The following DRC11 variants were observed in gnomAD, a reference collection of about 807,000 sequenced individuals.
The protein encoded by DRC11 is dynein regulatory complex subunit 11.
chr2:236,445,019 C>T, the DRC11 span, among the ~76,000 whole-genome samples: 5 of 152,180 alleles, frequency 3.3e-5, no homozygotes, highest in Admixed American at 1.3e-4. The surrounding 1 kb of genome is among the most constrained non-coding windows in gnomAD (Gnocchi z 4.8). Flanking sequence ...CCAGCCTGGA[C>T]GGGGCTTAGA....
the DRC11 span, among the ~76,000 whole-genome samples, chr2:236,384,747 C>T: frequency 6.6e-6 from 1 of 151,416 alleles, no homozygotes; most frequent in South Asian, 2.1e-4. Flanking sequence ...TGCCTATGTC[C>T]TGAATGGTAA....
the DRC11 span, among the ~76,000 whole-genome samples, chr2:236,480,346 C>T: frequency 6.6e-6 from 1 of 152,052 alleles, no homozygotes. Context: ...TCTCAACTCC[C>T]TCTTGAATAC....
chr2:236,331,237 G>T, the DRC11 span: 1 of 717,976 alleles, frequency 1.4e-6, no homozygotes. This position sits in a 1 kb window ranked among gnomAD's most constrained non-coding sequence, Gnocchi z 4.8. Flanking sequence ...CAAAATTTCA[G>T]GTTTCCAAAT....
chr2:236,415,502 A>G, the DRC11 span, among the ~76,000 whole-genome samples: 1 of 152,184 alleles, frequency 6.6e-6, no homozygotes, highest in Admixed American at 6.6e-5. The surrounding 1 kb of genome is among the most constrained non-coding windows in gnomAD (Gnocchi z 5.7). Flanking sequence ...AAGACTTTTA[A>G]AAGTCTCTGG....
the DRC11 span, among the ~76,000 whole-genome samples, chr2:236,353,214 C>A: frequency 8.5e-5 from 13 of 152,290 alleles, no homozygotes; most frequent in South Asian, 2.7e-3. This position sits in a 1 kb window ranked among gnomAD's most constrained non-coding sequence, Gnocchi z 5.0. Flanking sequence ...AGAGTTCTGT[C>A]GGGTAGTTCA....
the DRC11 span, among the ~76,000 whole-genome samples, chr2:236,462,111 G>A: frequency 6.6e-6 from 1 of 152,108 alleles, no homozygotes; most frequent in Non-Finnish European, 1.5e-5. The surrounding 1 kb of genome is among the most constrained non-coding windows in gnomAD (Gnocchi z 6.4). Context: ...TCGAGGCGGT[G>A]CTCATCTTCC....
At chr2:236,358,148 G>GATATATACTATATGAATATATAAT in the DRC11 span, among the ~76,000 whole-genome samples, 2 of 118,486 alleles carry the variant, frequency 1.7e-5, no homozygotes, top group Non-Finnish European at 3.2e-5. Flanking sequence ...TATATAAATA[G>GATATATACTATATGAATATATAAT]ATATATACTA....
the DRC11 span, among the ~76,000 whole-genome samples, chr2:236,493,574 T>C: frequency 6.6e-6 from 1 of 152,210 alleles, no homozygotes; most frequent in Non-Finnish European, 1.5e-5. Context: ...GTCTAAGCTC[T>C]TGAAAAATAA....
At chr2:236,477,327 A>G in the DRC11 span, among the ~76,000 whole-genome samples, 11 of 152,274 alleles carry the variant, frequency 7.2e-5, 1 homozygote, top group South Asian at 2.3e-3. Flanking sequence ...ACAATGAAGT[A>G]AGCGAGAAAA....
chr2:236,318,503 GTGTA>G, the DRC11 span, among the ~76,000 whole-genome samples: 2 of 152,110 alleles, frequency 1.3e-5, no homozygotes. This position sits in a 1 kb window ranked among gnomAD's most constrained non-coding sequence, Gnocchi z 7.0. Flanking sequence ...ATGTGTATCT[GTGTA>G]TGTGTGTTTT....
chr2:236,376,779 T>C, the DRC11 span, among the ~76,000 whole-genome samples: 1 of 152,172 alleles, frequency 6.6e-6, no homozygotes, highest in African/African-American at 2.4e-5. The surrounding 1 kb of genome is among the most constrained non-coding windows in gnomAD (Gnocchi z 5.7). Context: ...TTTTTACAAG[T>C]GAAATCATTA....
chr2:236,344,262 C>G, the DRC11 span, among the ~76,000 whole-genome samples: 1 of 152,304 alleles, frequency 6.6e-6, no homozygotes, highest in East Asian at 1.9e-4. Flanking sequence ...GTGCCATTTG[C>G]TTTAACTGAG....
chr2:236,441,697 A>C, the DRC11 span, among the ~76,000 whole-genome samples: 4 of 152,206 alleles, frequency 2.6e-5, no homozygotes, highest in Non-Finnish European at 4.4e-5. Context: ...AGTATTCTTA[A>C]AAGAAGTTGA....
chr2:236,342,905 G>A, the DRC11 span, among the ~76,000 whole-genome samples: 1 of 152,100 alleles, frequency 6.6e-6, no homozygotes, highest in Non-Finnish European at 1.5e-5. The surrounding 1 kb of genome is among the most constrained non-coding windows in gnomAD (Gnocchi z 5.8). Context: ...CCCAACACAC[G>A]ACGGACTCCT....
At chr2:236,439,464 G>T in the DRC11 span, among the ~76,000 whole-genome samples, 1 of 152,134 alleles carries the variant, frequency 6.6e-6, no homozygotes, top group Non-Finnish European at 1.5e-5. Context: ...TAAAAAGATA[G>T]TGTGTATTTG....
the DRC11 span, among the ~76,000 whole-genome samples, chr2:236,353,076 G>T: frequency 6.6e-6 from 1 of 152,176 alleles, no homozygotes; most frequent in South Asian, 2.1e-4. This position sits in a 1 kb window ranked among gnomAD's most constrained non-coding sequence, Gnocchi z 5.0. Flanking sequence ...CTGCCAATTT[G>T]CTAATGAAAA....
At chr2:236,368,174 C>T in the DRC11 span, 380 of 1,458,068 alleles carry the variant, frequency 2.6e-4, 2 homozygotes, top group East Asian at 2.8e-3. Flanking sequence ...AAGGCACATC[C>T]GCGCACGCCG....
chr2:236,493,930 G>C, the DRC11 span: 9,718 of 1,516,126 alleles, frequency 6.4e-3, 298 homozygotes, highest in Admixed American at 0.062. Flanking sequence ...CCGTCACAAT[G>C]CCAGGACTAG....
the DRC11 span, among the ~76,000 whole-genome samples, chr2:236,432,064 C>T: frequency 6.6e-6 from 1 of 152,120 alleles, no homozygotes; most frequent in Non-Finnish European, 1.5e-5. Flanking sequence ...TATGTGGGTT[C>T]CCTTTTCTCC....
Sources: gnomAD v4.1 joint callset for allele counts (sites outside exome capture counted in the v4.1 genomes callset) on GRCh38, gnomAD v4.1.1 for gene constraint, Gnocchi (gnomAD v3.1) non-coding constraint, MANE v1.5 for transcripts, NCBI Gene and HGNC (gene_info 2026-07-23, HGNC 2026-07-21) for gene names.